The following CLUH variants were observed in gnomAD, a reference collection of about 807,000 sequenced individuals.
The protein encoded by CLUH is clustered mitochondria protein homolog.
CLUH carries 77 observed loss-of-function variants against 139.3 expected under a neutral mutation model. That is an observed-to-expected ratio of 0.55 (90% CI 0.46 to 0.67). CLUH has a LOEUF of 0.67. CLUH is among the 30% of genes least tolerant of loss of function. The pLI, the probability that CLUH is intolerant of heterozygous loss-of-function variation, is 0.00. For synonymous variants in CLUH, 999 were observed against 801.6 expected, an observed-to-expected ratio of 1.25 and a Z score of -4.16; for missense variants, 1,876 against 1,875.8, an observed-to-expected ratio of 1.00 and a Z score of 0.00.
rs767048843 is a variant in CLUH, at chr17:2,694,291, C to T, written c.2938-15G>A. 8 of 1,571,060 alleles carry T rather than the reference C, an allele frequency of 5.1e-6. No homozygotes were observed. The highest frequency in any genetic ancestry group is 1.7e-6 in the Non-Finnish European group (2 of 1,156,656). ...TTCAGCAGGACCTGGGGGGCAGCCC[C>T]CCCACCACAGGAAGCCTCAGGCCCA... On this transcript the variant is annotated splice_polypyrimidine_tract_variant and intron_variant, in intron 17 of 25. Transcript: ENST00000651024.
rs1173707778 is a variant in CLUH, at chr17:2,698,389, C to T, written c.1468G>A (p.Asp490Asn). Reference sequence around the variant, plus strand: ...TTGTACGTGCGGACGCCATTCAGGTCGTTGGTGGGCGCCACGTAGGCCGCC... The same window carrying T: ...TTGTACGTGCGGACGCCATTCAGGTTGTTGGTGGGCGCCACGTAGGCCGCC... ...DVAAYVAPTN[D>N]LNGVRTYNAV... is the part of the protein sequence containing the mutation. The change falls in exon 10 of 26, where the codon GAC becomes AAC. Residue 490 changes from aspartate (D) to asparagine (N), a missense_variant. By Grantham distance (23) the Asp-to-Asn change is conservative (BLOSUM62 1). Around this residue, in one of 3 missense-constraint regions of CLUH, gnomAD observed 1,454 missense variants for 1,384.4 expected, o/e 1.05. Transcript: ENST00000651024. 6.2e-7 allele frequency: 1 copy of T among 1,613,042 alleles called. No homozygotes were observed. The highest frequency in any genetic ancestry group is 8.5e-7 in the Non-Finnish European group (1 of 1,179,712).
intron 9 of CLUH, among the ~76,000 whole-genome samples, chr17:2,699,670 C>T (rs1174259218): frequency 6.7e-6 from 1 of 149,674 alleles, no homozygotes. Flanking sequence ...CTTGTTCTGT[C>T]GCCCAGGCTG....
rs935022090 is a variant in CLUH, at chr17:2,707,327, G to A, written c.101-2763C>T. ...TTGCCCTAATGCAGCCAGTCGGCCCGGGGCTGGAGCTCCGGCTGGCTTCGG... is the reference window on the plus strand; with the variant it reads ...TTGCCCTAATGCAGCCAGTCGGCCCAGGGCTGGAGCTCCGGCTGGCTTCGG... On this transcript the variant is annotated intron_variant, in intron 1 of 25. Coordinates refer to ENST00000651024, the MANE Select transcript of CLUH (RefSeq NM_001366661.1). The surrounding 1 kb of genome is among the most constrained non-coding windows in gnomAD (Gnocchi z 7.4). 2.1e-5 allele frequency: 21 copies of A among 985,284 alleles called. No homozygotes were observed. In the South Asian group the frequency reaches 7.0e-4, roughly 33 times the overall value. 61.0% of individuals were successfully genotyped at this position (985,284 alleles called of 1,614,324 possible).
At chr17:2,708,375 G>A (rs1004043151) in intron 1 of CLUH, among the ~76,000 whole-genome samples, 20 of 152,182 alleles carry the variant, frequency 1.3e-4, no homozygotes, top group African/African-American at 4.3e-4. Flanking sequence ...GTGGGGCAGG[G>A]CAGCCTGGCA....
intron 19 of CLUH, among the ~76,000 whole-genome samples, chr17:2,693,352 C>T (rs1044155838): frequency 2.2e-4 from 34 of 152,032 alleles, no homozygotes; most frequent in Admixed American, 2.2e-3. Flanking sequence ...GTCGATATCA[C>T]GCCACTACAC....
In CLUH at chr17:2,691,674, G is replaced by T. The variant is rs765776589; in HGVS notation, c.3798C>A (p.Ala1266=). The T allele has an allele frequency of 5.0e-6, 8 of 1,612,342 alleles. No homozygotes were observed. The highest frequency in any genetic ancestry group is 1.7e-5 in the Admixed American group (1 of 59,920). ...SANIPPLKFT[A]PSMASVLEQL... is the part of the protein sequence containing the mutation. ...GCTCCAAGACGCTGGCCATGCTGGG[G>T]GCCGTGAACTGCGGGGCGGGGAAAC... The change falls in exon 25 of 26, where the codon GCC becomes GCA. Residue 1266 remains alanine, a synonymous_variant. Coordinates refer to ENST00000651024, the MANE Select transcript of CLUH (RefSeq NM_001366661.1).
intron 23 of CLUH, 41 bp from the exon 24 acceptor site, chr17:2,691,936 C>CCGT: frequency 8.9e-7 from 1 of 1,125,256 alleles, no homozygotes; most frequent in African/African-American, 2.0e-5. Context: ...CCCGTGCCCC[C>CCGT]GCGGCCCCGC....
At chr17:2,705,667 C>T (rs1284998520) in intron 1 of CLUH, among the ~76,000 whole-genome samples, 1 of 152,208 alleles carries the variant, frequency 6.6e-6, no homozygotes, top group African/African-American at 2.4e-5. Context: ...CATTCGGCTG[C>T]ACCCAGGGTG....
intron 22 of CLUH, 54 bp downstream of exon 22, chr17:2,692,307 C>A (rs760299805): frequency 4.7e-6 from 7 of 1,484,174 alleles, no homozygotes; most frequent in African/African-American, 1.4e-5. Context: ...CCGCCCCCGC[C>A]GGCTGCCCCG....
At chr17:2,698,751 AACC>A (rs978713787) in intron 9 of CLUH, among the ~76,000 whole-genome samples, 161 bp from the exon 10 acceptor site, 13 of 152,200 alleles carry the variant, frequency 8.5e-5, no homozygotes, top group African/African-American at 3.1e-4. Flanking sequence ...AGGGCAAGAA[AACC>A]ATGTTTTGGC....
rs754022152 is a variant in CLUH at position 2,696,894 on chromosome 17, G to A, written c.2010C>T (p.Asn670=). The change falls in exon 11 of 26, where the codon AAC becomes AAT. Residue 670 remains asparagine (N), a synonymous_variant. Transcript: ENST00000651024. The part of the protein sequence containing the change: ...KLAALQLMQQ[N]ASQLETPSSL... ...AGGAGGGGGTCTCCAGCTGGCTGGC[G>A]TTCTGCTGCATCAGCTGCAAGGCGG... 5.0e-6 allele frequency: 8 copies of A among 1,610,676 alleles called. No homozygotes were observed. Among genetic ancestry groups the A allele is most frequent in the African/African-American group, 4.0e-5 (3 of 74,890 alleles).
chr17:2,698,467 AG>A lies in CLUH; in HGVS notation c.1389del (p.Phe464SerfsTer28). ...TCTCGGACGTCGAAGCCCAGGCTGA[AG>A]AAGATGTTGTTCCAGATGAACATCT... ...KMQMFIWNNI[F>X]FSLGFDVRDH... On this transcript the variant is annotated frameshift_variant, in exon 10 of 26. Transcript: ENST00000651024. LOFTEE classifies it high-confidence loss of function. The A allele has an allele frequency of 6.2e-7, 1 of 1,613,266 alleles. No individual in the cohort carries two copies. Among genetic ancestry groups the A allele is most frequent in the Non-Finnish European group, 8.5e-7 (1 of 1,179,808 alleles).
Position 2,698,423 on chromosome 17 carries a change from C to A in CLUH, c.1434G>T (p.Gly478=). 1.2e-6 allele frequency: 2 copies of A among 1,613,414 alleles called. No homozygotes were observed. Among genetic ancestry groups the A allele is most frequent in the Admixed American group, 1.7e-5 (1 of 60,030 alleles). Residue 478 remains glycine, a synonymous_variant, in exon 10 of 26, where the codon GGG becomes GGT. Transcript: ENST00000651024. ...GCGCCACGTAGGCCGCCACGTCCCC[C>A]CCGAAGTCCTTGTAGTGGTCTCGGA... is the stretch of plus-strand genomic sequence containing the variant. ...FDVRDHYKDF[G]GDVAAYVAPT...
intron 19 of CLUH, 111 bp from the exon 20 acceptor site, chr17:2,692,971 T>G: frequency 9.3e-7 from 1 of 1,072,766 alleles, no homozygotes. Flanking sequence ...TCCTGTCCCC[T>G]CCGGCTGCGC....
chr17:2,695,312 G>A (rs752474190), intron 14 of CLUH, 32 bp from the exon 15 acceptor site: 3 of 1,613,500 alleles, frequency 1.9e-6, no homozygotes, highest in Admixed American at 1.7e-5. Flanking sequence ...GTCTTGGTCA[G>A]GCCCCCGGCC....
rs2070530552 is a variant in CLUH at position 2,711,763 on chromosome 17, C to T, written c.-102G>A. 2 of 386,140 alleles carry T rather than the reference C, an allele frequency of 5.2e-6. No homozygotes were observed. Among genetic ancestry groups the T allele is most frequent in the Non-Finnish European group, 7.1e-6 (2 of 282,300 alleles). The allele number at this position is 386,140 out of a possible 1,614,324, so 23.9% of individuals were successfully genotyped here. On this transcript the variant is annotated 5_prime_UTR_variant, in exon 1 of 26. The change creates a new upstream start codon in the 5' untranslated region. Coordinates refer to ENST00000651024, the MANE Select transcript of CLUH (RefSeq NM_001366661.1). ...GGCTGCTGAGGGAAGGACGGAGTCACCGGCCCACGTGGTGCGCGCCGTGGC... is the reference window on the plus strand; with the variant it reads ...GGCTGCTGAGGGAAGGACGGAGTCATCGGCCCACGTGGTGCGCGCCGTGGC...
chr17:2,692,845 G>T lies in CLUH; in HGVS notation c.3247C>A (p.Gln1083Lys). 6.3e-7 allele frequency: 1 copy of T among 1,599,904 alleles called. No individual in the cohort carries two copies. The highest frequency in any genetic ancestry group is 8.5e-7 in the Non-Finnish European group (1 of 1,171,176). ...GDYAEALSNQQKAVLMSERVM... is the reference protein window; with the variant it reads ...GDYAEALSNQKKAVLMSERVM... ...CGCTCGCTCATCAGCACCGCCTTCT[G>T]CTGGTTACTCAGGGCCTGGGGAGAG... The change falls in exon 20 of 26, where the codon CAG becomes AAG. Residue 1083 changes from glutamine to lysine, a missense_variant. By Grantham distance (53) the Gln-to-Lys change is moderately conservative. Transcript: ENST00000651024.
rs1284655248 is a variant in CLUH, at chr17:2,704,374, G to A, written c.291C>T (p.Pro97=). Residue 97 remains proline, a synonymous_variant, in exon 2 of 26, where the codon CCC becomes CCT. Transcript: ENST00000651024. The surrounding 1 kb of genome is among the most constrained non-coding windows in gnomAD (Gnocchi z 5.7). ...TCCTCCATCTTACCTGCAGGGAGAA[G>A]GGCTCGATCCCAGGGGCGAGGATCT... ...SVKILAPGIE[P]FSLQVSPQEM... 8 of 1,610,766 alleles carry A rather than the reference G, an allele frequency of 5.0e-6. No homozygotes were observed. Among genetic ancestry groups the A allele is most frequent in the Non-Finnish European group, 6.8e-6 (8 of 1,178,660 alleles).
rs532407032 is a variant in CLUH, at chr17:2,691,531, A to AGCCCGGGTGAT, written c.3863+77_3863+78insATCACCCGGGC. 1.0e-4 allele frequency: 145 copies of AGCCCGGGTGAT among 1,432,076 alleles called. No homozygotes were observed. The African/African-American group carries it at 2.0e-3, about 19-fold the overall frequency. 88.7% of individuals were successfully genotyped at this position (1,432,076 alleles called of 1,614,324 possible). The stretch of plus-strand genomic sequence containing the variant: ...AGCCGGGATGGCGCCGCCGCACTCC[A>AGCCCGGGTGAT]GCCCGGGTGACAGGGCGAGACTCCG... On this transcript the variant is annotated intron_variant, in intron 25 of 25. Coordinates refer to ENST00000651024, the MANE Select transcript of CLUH (RefSeq NM_001366661.1).
Sources: allele counts gnomAD v4.1 joint callset (sites outside exome capture counted in the v4.1 genomes callset), GRCh38; gene constraint gnomAD v4.1.1; regional missense constraint gnomAD v4.1.1; non-coding constraint Gnocchi (gnomAD v3.1); transcripts MANE v1.5; gene names NCBI Gene and HGNC (gene_info 2026-07-23, HGNC 2026-07-21).